The following PALM2AKAP2 variants were observed in gnomAD, a reference collection of about 807,000 sequenced individuals.
PALM2AKAP2 encodes the protein PALM2 and AKAP2 fusion.
Under a neutral mutation model 71.5 loss-of-function variants are expected in PALM2AKAP2, and 37 were observed. That is an observed-to-expected ratio of 0.52 (90% CI 0.40 to 0.68). The LOEUF is 0.68. Among genes scored for constraint, PALM2AKAP2 ranks in the 30% least tolerant of loss-of-function variants. The pLI is 0.00. For synonymous variants in PALM2AKAP2, 468 were observed against 478.8 expected, an observed-to-expected ratio of 0.98 and a Z score of 0.29; for missense variants, 1,224 against 1,191.8, an observed-to-expected ratio of 1.03 and a Z score of -0.40.
intron 7 of PALM2AKAP2, among the ~76,000 whole-genome samples, chr9:110,029,597 G>C (rs1833242678): frequency 6.6e-6 from 1 of 152,202 alleles, no homozygotes; most frequent in South Asian, 2.1e-4. Flanking sequence ...GTATGTCAGA[G>C]CCTGTCTGCA....
At chr9:109,685,522 C>T (rs74512786) in intron 1 of PALM2AKAP2, among the ~76,000 whole-genome samples, 2,113 of 152,130 alleles carry the variant, frequency 0.014, 61 homozygotes, top group African/African-American at 0.048. Context: ...GTATACTATA[C>T]TGTAACTACA....
chr9:109,868,791 A>C (rs1829527286), intron 2 of PALM2AKAP2, among the ~76,000 whole-genome samples: 1 of 152,190 alleles, frequency 6.6e-6, no homozygotes, highest in Non-Finnish European at 1.5e-5. Context: ...TCATCATATA[A>C]ATTCATTGAC....
chr9:109,782,611 C>T (rs559818879), intron 1 of PALM2AKAP2, among the ~76,000 whole-genome samples: 1 of 151,906 alleles, frequency 6.6e-6, no homozygotes, highest in Non-Finnish European at 1.5e-5. Context: ...ATGCAAATAC[C>T]ATGCTATTTT....
chr9:109,861,453 A>G (rs901925591), intron 1 of PALM2AKAP2, among the ~76,000 whole-genome samples: 1 of 152,202 alleles, frequency 6.6e-6, no homozygotes, highest in Non-Finnish European at 1.5e-5. Flanking sequence ...TTATGATTAT[A>G]ACATGTTCTA....
At chr9:110,019,182 G>A (rs926549122) in intron 7 of PALM2AKAP2, among the ~76,000 whole-genome samples, 5 of 149,226 alleles carry the variant, frequency 3.4e-5, no homozygotes, top group Non-Finnish European at 5.9e-5. Context: ...AGAGATTGCC[G>A]TGAGCCGAGT....
chr9:110,109,317 C>A (rs1835186621), intron 1 of PALM2AKAP2, among the ~76,000 whole-genome samples: 1 of 51,934 alleles, frequency 1.9e-5, no homozygotes, highest in Non-Finnish European at 3.9e-5. Flanking sequence ...ATCTTTGTCT[C>A]CAAAAAAAAA....
chr9:109,921,040 G>T (rs1034274755), intron 3 of PALM2AKAP2, among the ~76,000 whole-genome samples: 3 of 152,190 alleles, frequency 2.0e-5, no homozygotes, highest in Non-Finnish European at 4.4e-5. Context: ...GACCAGCAAA[G>T]AAGTTTTACA....
chr9:110,059,871 C>T (rs1344806392), intron 1 of PALM2AKAP2, among the ~76,000 whole-genome samples: 1 of 152,154 alleles, frequency 6.6e-6, no homozygotes, highest in African/African-American at 2.4e-5. Flanking sequence ...ATCAGTTATG[C>T]TCAGAAAGGG....
At chr9:110,074,418 T>C (rs911695466) in intron 1 of PALM2AKAP2, among the ~76,000 whole-genome samples, 11 of 152,154 alleles carry the variant, frequency 7.2e-5, no homozygotes, top group Non-Finnish European at 1.5e-5. Flanking sequence ...GGAGCCTAGA[T>C]TGGATCATTT....
At chr9:109,685,208 A>G (rs1827791255) in intron 1 of PALM2AKAP2, among the ~76,000 whole-genome samples, 1 of 152,182 alleles carries the variant, frequency 6.6e-6, no homozygotes, top group African/African-American at 2.4e-5. Context: ...AATGTTCTGT[A>G]TCTTGACCAT....
intron 1 of PALM2AKAP2, among the ~76,000 whole-genome samples, chr9:110,067,666 C>T (rs963891811): frequency 6.6e-6 from 1 of 152,124 alleles, no homozygotes; most frequent in Non-Finnish European, 1.5e-5. Context: ...TTGTGAGAGA[C>T]AAAAAGTATC....
chr9:110,070,034 G>A (rs573180427), intron 1 of PALM2AKAP2, among the ~76,000 whole-genome samples: 3 of 152,258 alleles, frequency 2.0e-5, no homozygotes, highest in East Asian at 1.9e-4. Context: ...GAGGGTTGGC[G>A]GCCATCCCCA....
chr9:109,948,373 T>C (rs1489650067), intron 6 of PALM2AKAP2, among the ~76,000 whole-genome samples: 2 of 152,210 alleles, frequency 1.3e-5, no homozygotes, highest in African/African-American at 4.8e-5. Flanking sequence ...CTTTCCAGTA[T>C]AATATAAGAA....
chr9:109,925,510 C>A (rs1830937452), intron 5 of PALM2AKAP2, among the ~76,000 whole-genome samples: 1 of 152,102 alleles, frequency 6.6e-6, no homozygotes, highest in South Asian at 2.1e-4. Flanking sequence ...GTTTGGGAAA[C>A]CTTTCTACAG....
intron 4 of PALM2AKAP2, 64 bp from the exon 5 acceptor site, chr9:109,924,996 TG>T: frequency 6.2e-7 from 1 of 1,610,468 alleles, no homozygotes; most frequent in Non-Finnish European, 8.5e-7. Context: ...TCTTTAAAGA[TG>T]GGAAAAGATG....
chr9:109,671,084 G>C (rs1827565291), intron 1 of PALM2AKAP2, among the ~76,000 whole-genome samples: 2 of 152,042 alleles, frequency 1.3e-5, no homozygotes, highest in South Asian at 4.1e-4. Flanking sequence ...TGTTTACTTT[G>C]TTGATAGTTT....
rs556151836 is a variant in PALM2AKAP2 at position 109,711,751 on chromosome 9, C to G, written c.6-68737C>G. On this transcript the variant is annotated intron_variant, in intron 1 of 6. Coordinates refer to the PALM2AKAP2 transcript ENST00000374531. ...GCACAGAGAGCTAAACATACATCAGCTTTTCCCTCCAGGGAAATCCTTCGG... is the reference window on the plus strand; with the variant it reads ...GCACAGAGAGCTAAACATACATCAGGTTTTCCCTCCAGGGAAATCCTTCGG... 8.5e-5 allele frequency among the ~76,000 whole-genome samples: 13 copies of G among 152,360 alleles called. No homozygotes were observed. In the East Asian group the frequency reaches 2.5e-3, roughly 29 times the overall value.
chr9:109,723,662 G>T (rs1179146580), intron 1 of PALM2AKAP2, among the ~76,000 whole-genome samples: 2 of 152,154 alleles, frequency 1.3e-5, no homozygotes, highest in Non-Finnish European at 2.9e-5. Context: ...AAAGAAAAAG[G>T]CATTTAACAA....
intron 6 of PALM2AKAP2, 84 bp from the exon 7 acceptor site, chr9:110,015,870 G>A: frequency 1.6e-6 from 2 of 1,253,998 alleles, no homozygotes; most frequent in East Asian, 2.4e-5. Context: ...AAGTCACATG[G>A]GATTGTAATC....
Sources: gnomAD v4.1 joint callset for allele counts (sites outside exome capture counted in the v4.1 genomes callset) on GRCh38, gnomAD v4.1.1 for gene constraint, MANE v1.5 for transcripts, NCBI Gene and HGNC (gene_info 2026-07-23, HGNC 2026-07-21) for gene names.